MXRA5: variants seen among roughly 807,000 people sequenced by gnomAD.
MXRA5 encodes the protein matrix-remodeling-associated protein 5.
Under a neutral mutation model 112.5 loss-of-function variants are expected in MXRA5, and 41 were observed. The observed-to-expected ratio is 0.36, with a 90% CI of 0.28 to 0.47. The LOEUF is 0.47. Ranked by LOEUF, MXRA5 falls within the 20% of genes least tolerant of loss-of-function variation. The pLI is 0.99. For synonymous variants in MXRA5, 862 were observed against 900.8 expected (o/e 0.96, Z 0.77); for missense variants, 2,150 against 2,251.0 (o/e 0.96, Z 0.91).
At chrX:3,342,562 A>G (rs1373646143) in intron 2 of MXRA5, among the ~76,000 whole-genome samples, 1 of 112,083 alleles carries the variant, frequency 8.9e-6, no homozygotes, top group Non-Finnish European at 1.9e-5. Flanking sequence ...GGATGTTCAG[A>G]TGGTCAACTC....
chrX:3,334,832 A>G lies in MXRA5; in HGVS notation c.189-4059T>C, dbSNP rs146245284. ...GTAGAAATCTACCTGATACATTTCT[A>G]ATTCATTCTTTGCTACGTTATCTTT... On this transcript the variant is annotated intron_variant, in intron 2 of 6. Transcript: ENST00000217939. Among the ~76,000 whole-genome samples, 587 of 111,850 alleles carry G rather than the reference A, an allele frequency of 5.2e-3. 4 individuals are homozygous for G. Among genetic ancestry groups the G allele is most frequent in the African/African-American group, 0.018 (564 of 30,829 alleles).
At chrX:3,342,565 G>A (rs1397419776) in intron 2 of MXRA5, among the ~76,000 whole-genome samples, 1 of 111,876 alleles carries the variant, frequency 8.9e-6, no homozygotes, top group Non-Finnish European at 1.9e-5. Flanking sequence ...TGTTCAGATG[G>A]TCAACTCATA....
chrX:3,339,040 G>T (rs933928030), intron 2 of MXRA5, among the ~76,000 whole-genome samples: 3 of 111,098 alleles, frequency 2.7e-5, no homozygotes, highest in Admixed American at 9.6e-5. Context: ...TAAAGCCATG[G>T]ATAGCTGAAT....
Position 3,323,461 on chromosome X carries a change from T to C in MXRA5, c.2224A>G (p.Arg742Gly), listed in dbSNP as rs184693739. 1.4e-4 allele frequency: 175 copies of C among 1,210,551 alleles called. No individual in the cohort carries two copies. Reference protein sequence around the residue: ...NGDKKAKKGRRKLKLWKHSEK... With the variant: ...NGDKKAKKGRGKLKLWKHSEK... ...GAATGCTTCCAGAGTTTCAGCTTTCTTCTCCCTTTCTTGGCTTTCTTGTCT... is the reference window on the plus strand; with the variant it reads ...GAATGCTTCCAGAGTTTCAGCTTTCCTCTCCCTTTCTTGGCTTTCTTGTCT... Residue 742 changes from arginine to glycine, a missense_variant, in exon 5 of 7, where the codon AGA (arginine) becomes GGA (glycine). Physicochemically the swap from Arg to Gly is moderately radical, Grantham distance 125. Around this residue, in one of 6 missense-constraint regions of MXRA5, gnomAD observed 1,485 missense variants for 1,471.6 expected, o/e 1.01. Transcript: ENST00000217939.
chrX:3,317,342 C>A lies in MXRA5; in HGVS notation c.6339G>T (p.Ala2113=). ...PNGTLYIRNL[A]PKDSGRYECV... is the part of the protein sequence containing the mutation. Reference sequence around the variant, plus strand: ...ACTCATAGCGCCCGCTGTCCTTGGGCGCGAGGTTGCGGATGTAGAGCGTCC... The same window carrying A: ...ACTCATAGCGCCCGCTGTCCTTGGGAGCGAGGTTGCGGATGTAGAGCGTCC... Residue 2113 remains alanine, a synonymous_variant, in exon 6 of 7, where the codon GCG becomes GCT. Coordinates refer to ENST00000217939, the MANE Select transcript of MXRA5 (RefSeq NM_015419.4). The A allele has an allele frequency of 8.3e-7, 1 of 1,208,351 alleles. No individual in the cohort carries two copies. The highest frequency in any genetic ancestry group is 1.1e-6 in the Non-Finnish European group (1 of 893,909).
Position 3,317,748 on chromosome X carries a change from G to A in MXRA5, c.5933C>T (p.Pro1978Leu), listed in dbSNP as rs1179295419. 4 of 1,206,519 alleles carry A rather than the reference G, an allele frequency of 3.3e-6. No homozygotes were observed. The highest frequency in any genetic ancestry group is 2.2e-5 in the Admixed American group (1 of 45,662). Residue 1978 changes from proline to leucine, a missense_variant, in exon 6 of 7, where the codon CCA becomes CTA. Physicochemically the swap from Pro to Leu is moderately conservative, Grantham distance 98. Coordinates refer to ENST00000217939, the MANE Select transcript of MXRA5 (RefSeq NM_015419.4). The part of the protein sequence containing the change: ...IAMECLAKGT[P>L]APQISWIFPD... Reference sequence around the variant, plus strand: ...GAAGATCCAGGAAATTTGGGGGGCTGGGGTCCCTTTGGCCAGACACTCCAT... The same window carrying A: ...GAAGATCCAGGAAATTTGGGGGGCTAGGGTCCCTTTGGCCAGACACTCCAT...
In MXRA5 at chrX:3,320,801, G is replaced by A. The variant is rs758804499; in HGVS notation, c.4884C>T (p.Ser1628=). ...TVRLPEMSTQ[S]ASRYFVTSQS... Reference sequence around the variant, plus strand: ...GGGAAGTTACAAAGTATCTGGAAGCGCTTTGTGTGGACATTTCAGGCAGCC... The same window carrying A: ...GGGAAGTTACAAAGTATCTGGAAGCACTTTGTGTGGACATTTCAGGCAGCC... The change falls in exon 5 of 7, where the codon AGC becomes AGT. Residue 1628 remains serine, a synonymous_variant. Transcript: ENST00000217939. 66 of 1,210,478 alleles carry A rather than the reference G, an allele frequency of 5.5e-5. 1 individual carries two copies. Among genetic ancestry groups the A allele is most frequent in the East Asian group, 2.7e-4 (9 of 33,766 alleles).
intron 1 of MXRA5, among the ~76,000 whole-genome samples, chrX:3,345,967 G>A (rs1922099077): frequency 8.9e-6 from 1 of 112,762 alleles, no homozygotes; most frequent in Non-Finnish European, 1.9e-5. Context: ...CTAGGCGTTG[G>A]GCTGTCCCCT....
intron 1 of MXRA5, among the ~76,000 whole-genome samples, chrX:3,344,140 T>A (rs2146935502): frequency 9.3e-6 from 1 of 107,278 alleles, no homozygotes; most frequent in South Asian, 4.3e-4. Flanking sequence ...TAATTGCGGC[T>A]ATGAAACAGA....
Position 3,309,838 on chromosome X carries a change from G to T in MXRA5, c.8365C>A (p.Leu2789Ile). The T allele has an allele frequency of 8.3e-7, 1 of 1,211,731 alleles. No individual in the cohort carries two copies. Among genetic ancestry groups the T allele is most frequent in the Non-Finnish European group, 1.1e-6 (1 of 895,518 alleles). The change falls in exon 7 of 7, where the codon CTT (leucine) becomes ATT (isoleucine). Residue 2789 changes from leucine to isoleucine, a missense_variant. Leu to Ile is a conservative substitution (Grantham distance 5). Coordinates refer to ENST00000217939, the MANE Select transcript of MXRA5 (RefSeq NM_015419.4). Reference protein sequence around the residue: ...VQARLYGNRFLHPQGSLTIQH... With the variant: ...VQARLYGNRFIHPQGSLTIQH... ...ATGGTCAGTGATCCCTGGGGGTGAA[G>T]AAATCTGTTTCCATACAGACGAGCC...
rs774906105 is a variant in MXRA5 at position 3,311,384 on chromosome X, G to T, written c.6819C>A (p.Pro2273=). The T allele has an allele frequency of 8.3e-7, 1 of 1,210,297 alleles. No individual in the cohort carries two copies. The highest frequency in any genetic ancestry group is 1.1e-6 in the Non-Finnish European group (1 of 895,305). The change falls in exon 7 of 7, where the codon CCC becomes CCA. Residue 2273 remains proline, a synonymous_variant. Coordinates refer to ENST00000217939, the MANE Select transcript of MXRA5 (RefSeq NM_015419.4). ...VDCVATGLPN[P]EISWSLPDGS... The stretch of plus-strand genomic sequence containing the variant: ...CGTCTGGGAGGCTCCAGGAGATCTC[G>T]GGATTGGGAAGCCCGGTGGCCACAC...
chrX:3,326,068 CATAAATACATTTATATATATTTATAT>C (rs1921481558), intron 4 of MXRA5, among the ~76,000 whole-genome samples: 1 of 27,016 alleles, frequency 3.7e-5, no homozygotes, highest in Non-Finnish European at 6.9e-5. Context: ...TATATTTATA[CATAAATACATTTATATATATTTATAT>C]ATATTTATAC....
intron 4 of MXRA5, among the ~76,000 whole-genome samples, chrX:3,326,131 A>G (rs57792173): frequency 3.7e-5 from 1 of 27,063 alleles, no homozygotes; most frequent in East Asian, 7.2e-4. Flanking sequence ...ATATTTATAT[A>G]TATAAATTAT....
At chrX:3,312,559 TC>T (rs1391582075) in intron 6 of MXRA5, among the ~76,000 whole-genome samples, 2 of 102,093 alleles carry the variant, frequency 2.0e-5, no homozygotes, top group Admixed American at 1.0e-4. Context: ...TACCACACTT[TC>T]TTTTTTTTTT....
At position 3,330,349 on chromosome X, in the gene MXRA5, G is replaced by T; in HGVS notation, c.378C>A (p.Leu126=). ...RVITGQTLQG[L]SNLMRLHIDH... ...CAATGTGCAGCCTCATTAAGTTAGAGAGACCCTGGAGGGTCTGTCCTGTGA... is the reference window on the plus strand; with the variant it reads ...CAATGTGCAGCCTCATTAAGTTAGATAGACCCTGGAGGGTCTGTCCTGTGA... The change falls in exon 4 of 7, where the codon CTC becomes CTA. Residue 126 remains leucine, a synonymous_variant. Coordinates refer to ENST00000217939, the MANE Select transcript of MXRA5 (RefSeq NM_015419.4). 1 of 1,209,448 alleles carries T rather than the reference G, an allele frequency of 8.3e-7. No homozygotes were observed. The highest frequency in any genetic ancestry group is 1.1e-6 in the Non-Finnish European group (1 of 894,053).
At position 3,310,761 on chromosome X, in the gene MXRA5, G is replaced by A. The variant is rs1222431531; in HGVS notation, c.7442C>T (p.Pro2481Leu). ...TGGAGCTGGCAGAACCACACCCTCG[G>A]GAAAAGCCCATAACACCCTCGGGGT... ...IPTPRVLWAF[P>L]EGVVLPAPYY... Residue 2481 changes from proline (P) to leucine (L), a missense_variant, in exon 7 of 7, where the codon CCC becomes CTC. Pro to Leu is a moderately conservative substitution (Grantham distance 98). Transcript: ENST00000217939. 7.5e-6 allele frequency: 9 copies of A among 1,201,321 alleles called. No homozygotes were observed. Among genetic ancestry groups the A allele is most frequent in the Non-Finnish European group, 1.0e-5 (9 of 891,649 alleles).
chrX:3,326,527 A>C (rs1484231974), intron 4 of MXRA5, among the ~76,000 whole-genome samples: 1 of 105,041 alleles, frequency 9.5e-6, no homozygotes, highest in Non-Finnish European at 1.9e-5. Context: ...CTATATTTAT[A>C]CATTTATAAT....
rs2146921370 is a variant in MXRA5 at position 3,321,348 on chromosome X, A to G, written c.4337T>C (p.Ile1446Thr). 8 of 1,211,837 alleles carry G rather than the reference A, an allele frequency of 6.6e-6. No individual in the cohort carries two copies. Among genetic ancestry groups the G allele is most frequent in the Non-Finnish European group, 7.8e-6 (7 of 895,424 alleles). Residue 1446 changes from isoleucine (I) to threonine (T), a missense_variant, in exon 5 of 7, where the codon ATA becomes ACA. This residue lies in a region of MXRA5 where 1,485 missense variants were observed against 1,471.6 expected (regional missense o/e 1.01). Coordinates refer to ENST00000217939, the MANE Select transcript of MXRA5 (RefSeq NM_015419.4). The stretch of plus-strand genomic sequence containing the variant: ...CTGACTTGAAGCCACCTCCACTTTT[A>G]TGCTTGAGAGAGTTGTGGAAGAACC... ...EAGSSTTLSS[I>T]KVEVASSQAE...
intron 2 of MXRA5, among the ~76,000 whole-genome samples, chrX:3,341,242 TTA>T (rs1469795600): frequency 2.9e-3 from 141 of 49,167 alleles, no homozygotes; most frequent in African/African-American, 9.8e-3. Context: ...AATTATATAA[TTA>T]TATATATAAT....
Sources: allele counts gnomAD v4.1 joint callset (sites outside exome capture counted in the v4.1 genomes callset), GRCh38; gene constraint gnomAD v4.1.1; regional missense constraint gnomAD v4.1.1; transcripts MANE v1.5; gene names NCBI Gene and HGNC (gene_info 2026-07-23, HGNC 2026-07-21).